ANO4: variants seen among roughly 807,000 people sequenced by gnomAD.
The protein encoded by ANO4 is anoctamin 4, also known as anoctamin-4.
Under a neutral mutation model 141.9 loss-of-function variants are expected in ANO4, and 69 were observed. That is an observed-to-expected ratio of 0.49 (90% confidence interval 0.40 to 0.59). The LOEUF is 0.59. Ranked by LOEUF, ANO4 falls within the 20% of genes least tolerant of loss-of-function variation. The pLI is 0.00. For missense variants in ANO4, 894 were observed against 1,162.2 expected (o/e 0.77, Z 3.36); for synonymous variants, 350 against 394.3 (o/e 0.89, Z 1.33).
At chr12:101,039,539 G>A (rs889399228) in intron 10 of ANO4, among the ~76,000 whole-genome samples, 6 of 152,120 alleles carry the variant, frequency 3.9e-5, no homozygotes, top group South Asian at 2.1e-4. Context: ...AAAAGAAGTA[G>A]GGAAGAGAAC....
At chr12:100,880,381 G>A (rs2039508676) in intron 1 of ANO4, among the ~76,000 whole-genome samples, 1 of 152,098 alleles carries the variant, frequency 6.6e-6, no homozygotes, top group Admixed American at 6.6e-5. Context: ...AACTTATAAG[G>A]TAGATATTGT....
intron 5 of ANO4, among the ~76,000 whole-genome samples, chr12:100,946,279 T>A (rs558164298): frequency 6.6e-6 from 1 of 152,240 alleles, no homozygotes; most frequent in Admixed American, 6.5e-5. Context: ...ACTGGAGAGA[T>A]TTGAGCAGAA....
chr12:100,958,850 A>AAAAC lies in ANO4; in HGVS notation c.457-12440_457-12437dup, dbSNP rs141003281. 3.1e-3 allele frequency among the ~76,000 whole-genome samples: 474 copies of AAAAC among 152,260 alleles called. 5 individuals are homozygous for AAAAC. The highest frequency in any genetic ancestry group is 0.01 in the African/African-American group (418 of 41,556). ...GCAACAAGTGAGAACCTGTCTCAAA[A>AAAAC]AAACAAACAAACAAACAAAAAAGAA... On this transcript the variant is annotated intron_variant, in intron 5 of 27. Coordinates refer to ENST00000392977, the MANE Select transcript of ANO4 (RefSeq NM_001286615.2).
intron 15 of ANO4, among the ~76,000 whole-genome samples, chr12:101,080,763 G>A (rs940278961): frequency 6.6e-6 from 1 of 151,208 alleles, no homozygotes; most frequent in Non-Finnish European, 1.5e-5. Context: ...GAAGGTGGAG[G>A]TTGCAGTGAG....
intron 14 of ANO4, among the ~76,000 whole-genome samples, chr12:101,050,788 G>A (rs921646153): frequency 3.9e-5 from 6 of 152,184 alleles, no homozygotes; most frequent in Admixed American, 6.5e-5. Context: ...TCATGGCCAT[G>A]GATAGGGCTG....
chr12:100,720,398 T>G (rs1453349564), intron 1 of ANO4, among the ~76,000 whole-genome samples: 3 of 151,880 alleles, frequency 2.0e-5, no homozygotes, highest in Non-Finnish European at 4.4e-5. Flanking sequence ...AGAGGATTCT[T>G]GGCAATGTGA....
chr12:100,968,842 T>G (rs992242582), intron 5 of ANO4, among the ~76,000 whole-genome samples: 2 of 152,190 alleles, frequency 1.3e-5, no homozygotes, highest in African/African-American at 4.8e-5. Context: ...ACTGACTGTG[T>G]GTGTGTGATG....
intron 1 of ANO4, among the ~76,000 whole-genome samples, chr12:100,893,227 G>A (rs1189970149): frequency 1.3e-5 from 2 of 151,204 alleles, no homozygotes; most frequent in Non-Finnish European, 2.9e-5. Context: ...GAGCATTTCA[G>A]GCAAGAAGGA....
chr12:100,774,054 G>A (rs2033396229), intron 3 of ANO4, among the ~76,000 whole-genome samples: 1 of 152,230 alleles, frequency 6.6e-6, no homozygotes, highest in Admixed American at 6.5e-5. Flanking sequence ...GACCTGCAAA[G>A]GAAATATTTA....
At chr12:101,079,056 C>T (rs886581184) in intron 14 of ANO4, 137 bp from the exon 15 acceptor site, 1 of 730,086 alleles carries the variant, frequency 1.4e-6, no homozygotes, top group Non-Finnish European at 2.4e-6. Flanking sequence ...TGAAGCTCAG[C>T]TGGAAATTCT....
chr12:100,959,073 A>G (rs1429296651), intron 5 of ANO4, among the ~76,000 whole-genome samples: 1 of 151,468 alleles, frequency 6.6e-6, no homozygotes, highest in Non-Finnish European at 1.5e-5. Context: ...CAACCTTCTC[A>G]CCTGTTTTCT....
intron 14 of ANO4, chr12:101,068,544 G>A: frequency 7.9e-7 from 1 of 1,270,970 alleles, no homozygotes; most frequent in East Asian, 2.3e-5. Flanking sequence ...CTAAGTGTTA[G>A]GTGGAAAAAT....
chr12:100,839,952 T>C (rs567157313), intron 1 of ANO4, among the ~76,000 whole-genome samples: 9 of 152,170 alleles, frequency 5.9e-5, no homozygotes, highest in African/African-American at 1.7e-4. Flanking sequence ...GCTTGAGAAA[T>C]GGAAATTATT....
At chr12:101,107,490 G>A (rs914915266) in intron 22 of ANO4, among the ~76,000 whole-genome samples, 1 of 151,924 alleles carries the variant, frequency 6.6e-6, no homozygotes, top group Non-Finnish European at 1.5e-5. Context: ...GACTCAAGAG[G>A]GTATATTTGA....
rs114111300 is a variant in ANO4, at chr12:101,001,613, C to G, written c.734+13943C>G. Among the ~76,000 whole-genome samples the G allele has an allele frequency of 3.4e-3, 517 of 152,278 alleles. 7 individuals are homozygous for G. Among genetic ancestry groups the G allele is most frequent in the African/African-American group, 0.012 (490 of 41,550 alleles). On this transcript the variant is annotated intron_variant, in intron 8 of 27. Coordinates refer to ENST00000392977, the MANE Select transcript of ANO4 (RefSeq NM_001286615.2). ...CATAATACAACCTGACATATATTGACTGCCCACTAGACACCGGGCTACCTG... is the reference window on the plus strand; with the variant it reads ...CATAATACAACCTGACATATATTGAGTGCCCACTAGACACCGGGCTACCTG...
chr12:100,999,698 GGA>G (rs2045550983), intron 8 of ANO4, among the ~76,000 whole-genome samples: 2 of 151,998 alleles, frequency 1.3e-5, no homozygotes, highest in Non-Finnish European at 2.9e-5. Flanking sequence ...AAAGAGAGAG[GGA>G]GAGAGGAAGG....
rs73156615 is a variant in ANO4 at position 101,011,319 on chromosome 12, T to C, written c.735-8715T>C. On this transcript the variant is annotated intron_variant, in intron 8 of 27. Transcript: ENST00000392977. ...ATAGGAGGAATCATGGCCTTTTTTCTTTTTTTTTTTTTTTTTGCAATCTAC... is the reference window on the plus strand; with the variant it reads ...ATAGGAGGAATCATGGCCTTTTTTCCTTTTTTTTTTTTTTTTGCAATCTAC... Among the ~76,000 whole-genome samples the C allele has an allele frequency of 2.0e-3, 245 of 123,556 alleles. 5 individuals are homozygous for C. The highest frequency in any genetic ancestry group is 2.1e-3 in the African/African-American group (68 of 32,774). The allele number at this position is 123,556 out of a possible 152,430, so 81.1% of individuals were successfully genotyped here. A position where few individuals can be genotyped will look rare whatever the true frequency, so the allele number is the denominator to read the frequency against.
chr12:101,028,807 T>C (rs2046848364), intron 9 of ANO4, among the ~76,000 whole-genome samples: 1 of 152,066 alleles, frequency 6.6e-6, no homozygotes, highest in African/African-American at 2.4e-5. Flanking sequence ...CAGGCCAATA[T>C]GCAAATTCAG....
chr12:101,114,152 T>C (rs1010744797), intron 24 of ANO4, among the ~76,000 whole-genome samples: 3 of 152,226 alleles, frequency 2.0e-5, no homozygotes, highest in African/African-American at 7.2e-5. Flanking sequence ...CTCTACTACC[T>C]GTGACCTTCC....
Sources: gnomAD v4.1 joint callset for allele counts (sites outside exome capture counted in the v4.1 genomes callset) on GRCh38, gnomAD v4.1.1 for gene constraint, MANE v1.5 for transcripts, NCBI Gene and HGNC (gene_info 2026-07-23, HGNC 2026-07-21) for gene names.